SLC25A17: variants seen among roughly 807,000 people sequenced by gnomAD.
SLC25A17 encodes the protein peroxisomal membrane protein PMP34.
Under a neutral mutation model 38.5 loss-of-function variants are expected in SLC25A17, and 26 were observed. That is an observed-to-expected ratio of 0.68 (90% CI 0.50 to 0.94). The LOEUF (loss-of-function observed/expected upper bound fraction) is 0.94, where lower values mean the gene tolerates loss of function less well. SLC25A17 is among the 40% of genes least tolerant of loss of function. The pLI is 0.00. For synonymous variants in SLC25A17, 139 were observed against 136.2 expected, an observed-to-expected ratio of 1.02 and a Z score of -0.14; for missense variants, 333 against 372.7, an observed-to-expected ratio of 0.89 and a Z score of 0.88.
chr22:40,777,036 T>C lies in SLC25A17; in HGVS notation c.693+4A>G. The C allele has an allele frequency of 6.2e-7, 1 of 1,613,304 alleles. No individual in the cohort carries two copies. Among genetic ancestry groups the C allele is most frequent in the Non-Finnish European group, 8.5e-7 (1 of 1,179,270 alleles). On this transcript the variant is annotated splice_donor_region_variant and intron_variant, in intron 7 of 8. Transcript: ENST00000435456. ...CTAAATGCGAAGAGAACTCCAGCAC[T>C]CACCCTCAGAATTGACTGTACCGTC...
chr22:40,777,823 T>G (rs898156251), intron 5 of SLC25A17, among the ~76,000 whole-genome samples: 2 of 152,094 alleles, frequency 1.3e-5, no homozygotes, highest in Non-Finnish European at 2.9e-5. Context: ...CAATGATAGT[T>G]TGGGGTCAAG....
intron 1 of SLC25A17, among the ~76,000 whole-genome samples, chr22:40,816,295 T>C (rs543882380): frequency 8.2e-4 from 124 of 151,964 alleles, no homozygotes; most frequent in South Asian, 3.5e-3. Flanking sequence ...AATAGAAATA[T>C]ATTACCACTA....
At chr22:40,803,820 GTTT>G (rs772323398) in intron 1 of SLC25A17, among the ~76,000 whole-genome samples, 3 of 117,486 alleles carry the variant, frequency 2.6e-5, no homozygotes, top group African/African-American at 3.1e-5. Context: ...GCTAGTTTTT[GTTT>G]TTTTTTTTTT....
At chr22:40,816,609 G>GTTTTTTT (rs55809010) in intron 1 of SLC25A17, among the ~76,000 whole-genome samples, 1 of 137,970 alleles carries the variant, frequency 7.2e-6, no homozygotes, top group Non-Finnish European at 1.6e-5. Flanking sequence ...ATTTTTTATT[G>GTTTTTTT]TTTTTTTTTT....
intron 4 of SLC25A17, among the ~76,000 whole-genome samples, chr22:40,790,797 T>C (rs1484473850): frequency 1.3e-5 from 2 of 152,236 alleles, no homozygotes; most frequent in Non-Finnish European, 2.9e-5. Flanking sequence ...AGTTATAATC[T>C]TTCAAATGCA....
At chr22:40,802,954 T>C (rs2057495853) in intron 1 of SLC25A17, among the ~76,000 whole-genome samples, 1 of 152,222 alleles carries the variant, frequency 6.6e-6, no homozygotes, top group African/African-American at 2.4e-5. Flanking sequence ...ATGTACACAC[T>C]GTATAATGAT....
At chr22:40,781,371 G>A (rs962225919) in intron 4 of SLC25A17, among the ~76,000 whole-genome samples, 3 of 151,318 alleles carry the variant, frequency 2.0e-5, no homozygotes, top group African/African-American at 4.9e-5. Context: ...TCAGCCTCCC[G>A]AGTAGCCAGG....
intron 4 of SLC25A17, chr22:40,780,152 CAAAATATT>C (rs1241714205): frequency 6.6e-6 from 1 of 152,020 alleles, no homozygotes; most frequent in Non-Finnish European, 1.5e-5. Context: ...TAAGGTATCT[CAAAATATT>C]ATATATAGGA....
chr22:40,773,283 G>A (rs1461228841), intron 8 of SLC25A17, among the ~76,000 whole-genome samples: 1 of 151,952 alleles, frequency 6.6e-6, no homozygotes, highest in African/African-American at 2.4e-5. Flanking sequence ...GGTGGCAGGC[G>A]CCTGTAGTCC....
At position 40,819,226 on chromosome 22, in the gene SLC25A17, T is replaced by C. The variant is rs1453409347; in HGVS notation, c.23A>G (p.Glu8Gly). 1 of 1,613,710 alleles carries C rather than the reference T, an allele frequency of 6.2e-7. No individual in the cohort carries two copies. The highest frequency in any genetic ancestry group is 8.5e-7 in the Non-Finnish European group (1 of 1,179,978). ...TCCGGCCACGGCGTGGACCAGGCTTTCGTAGGACAGCACGGAAGCCATTGG... is the reference window on the plus strand; with the variant it reads ...TCCGGCCACGGCGTGGACCAGGCTTCCGTAGGACAGCACGGAAGCCATTGG... MASVLSY[E>G]SLVHAVAGAV... The change falls in exon 1 of 9, where the codon GAA becomes GGA. Residue 8 changes from glutamate (E) to glycine (G), a missense_variant. Coordinates refer to ENST00000435456, the MANE Select transcript of SLC25A17 (RefSeq NM_006358.4).
intron 2 of SLC25A17, among the ~76,000 whole-genome samples, chr22:40,795,851 G>A (rs1047476607): frequency 2.6e-5 from 4 of 151,896 alleles, no homozygotes; most frequent in African/African-American, 4.8e-5. Flanking sequence ...GCAGTGGTGC[G>A]GTCTCGGCTC....
intron 5 of SLC25A17, among the ~76,000 whole-genome samples, chr22:40,778,509 T>A (rs777779061): frequency 1.4e-4 from 21 of 152,186 alleles, no homozygotes; most frequent in Non-Finnish European, 2.4e-4. Flanking sequence ...CACAAACATG[T>A]GTTAAAAAGA....
At chr22:40,781,622 G>A (rs762055642) in intron 4 of SLC25A17, among the ~76,000 whole-genome samples, 1 of 152,142 alleles carries the variant, frequency 6.6e-6, no homozygotes, top group Non-Finnish European at 1.5e-5. Context: ...TAAAGTCCTT[G>A]TAAGAACATT....
chr22:40,806,845 T>C (rs2057534452), intron 1 of SLC25A17, among the ~76,000 whole-genome samples: 1 of 152,228 alleles, frequency 6.6e-6, no homozygotes, highest in Non-Finnish European at 1.5e-5. Flanking sequence ...CGGCTTTTCC[T>C]TTCTTGTCTT....
chr22:40,817,604 C>T (rs1036273451), intron 1 of SLC25A17, among the ~76,000 whole-genome samples: 6 of 152,330 alleles, frequency 3.9e-5, no homozygotes, highest in African/African-American at 1.4e-4. Context: ...AACCAACCCT[C>T]ATTTTATAAA....
Position 40,789,095 on chromosome 22 carries a change from C to T in SLC25A17, c.334+3430G>A. On this transcript the variant is annotated intron_variant, in intron 4 of 8. Coordinates refer to ENST00000435456, the MANE Select transcript of SLC25A17 (RefSeq NM_006358.4). The surrounding 1 kb of genome is among the most constrained non-coding windows in gnomAD (Gnocchi z 4.5). ...TGACCATCTCTACTTCCAGCACTGG[C>T]CCAACCATAATAAATGCCACTGGAT... The T allele has an allele frequency of 3.6e-6, 1 of 279,494 alleles. No homozygotes were observed. Among genetic ancestry groups the T allele is most frequent in the South Asian group, 5.0e-5 (1 of 20,106 alleles). 17.3% of individuals were successfully genotyped at this position (279,494 alleles called of 1,614,324 possible).
At chr22:40,773,352 G>A (rs1055662186) in intron 8 of SLC25A17, among the ~76,000 whole-genome samples, 7 of 149,276 alleles carry the variant, frequency 4.7e-5, no homozygotes, top group Non-Finnish European at 3.0e-5. Flanking sequence ...GGAGCTTGCC[G>A]TGAGCGGAGA....
At chr22:40,810,636 C>T (rs755517012) in intron 1 of SLC25A17, among the ~76,000 whole-genome samples, 19 of 152,146 alleles carry the variant, frequency 1.2e-4, no homozygotes, top group Non-Finnish European at 1.3e-4. Flanking sequence ...CGTAAGCCAC[C>T]GAGCATTAAA....
At chr22:40,788,041 C>CCACT in intron 4 of SLC25A17, among the ~76,000 whole-genome samples, 1 of 152,312 alleles carries the variant, frequency 6.6e-6, no homozygotes, top group Non-Finnish European at 1.5e-5. Flanking sequence ...CAGGCGTGAG[C>CCACT]CACTGCACTT....
Sources: gnomAD v4.1 joint callset for allele counts (sites outside exome capture counted in the v4.1 genomes callset) on GRCh38, gnomAD v4.1.1 for gene constraint, Gnocchi (gnomAD v3.1) non-coding constraint, MANE v1.5 for transcripts, NCBI Gene and HGNC (gene_info 2026-07-23, HGNC 2026-07-21) for gene names.